The following IDI2 variants were observed in gnomAD, a reference collection of about 807,000 sequenced individuals.
The protein encoded by IDI2 is isopentenyl-diphosphate delta isomerase 2.
Under a neutral mutation model 14.8 loss-of-function variants are expected in IDI2, and 18 were observed. The ratio of observed to expected loss-of-function variants is 1.22; its 90% CI spans 0.84 to 1.80. IDI2 has a LOEUF of 1.80. Among genes scored for constraint, IDI2 ranks in the 40% most tolerant of loss-of-function variants. The pLI is 0.00. For synonymous variants in IDI2, 133 were observed against 109.6 expected (o/e 1.21, Z -1.33); for missense variants, 316 against 283.2 (o/e 1.12, Z -0.83).
chr10:1,022,809 G>A (rs1832134907), intron 2 of IDI2, 34 bp from the exon 3 acceptor site: 1 of 1,462,180 alleles, frequency 6.8e-7, no homozygotes, highest in Non-Finnish European at 9.6e-7. Context: ...GTGAGTGCAT[G>A]CCTGGAGTCT....
rs182997683 is a variant in IDI2, at chr10:1,024,805, A to C, written c.-21-61T>G. 4.8e-5 allele frequency: 74 copies of C among 1,539,800 alleles called. No homozygotes were observed. In the South Asian group the frequency reaches 7.8e-4, roughly 16 times the overall value. On this transcript the variant is annotated intron_variant, in intron 1 of 4. Transcript: ENST00000277517. Reference sequence around the variant, plus strand: ...AAGATATTGCCATCTCGTTTTTGCTATGTGTTACCAACCACATTAGGATTT... The same window carrying C: ...AAGATATTGCCATCTCGTTTTTGCTCTGTGTTACCAACCACATTAGGATTT...
intron 3 of IDI2, 117 bp downstream of exon 3, chr10:1,022,566 G>A (rs979803766): frequency 2.6e-6 from 2 of 757,850 alleles, no homozygotes; most frequent in East Asian, 2.5e-5. Context: ...TCTGCAGGAT[G>A]AGCTGCCAGC....
At chr10:1,020,436 G>A (rs1174749683) in intron 4 of IDI2, among the ~76,000 whole-genome samples, 1 of 152,098 alleles carries the variant, frequency 6.6e-6, no homozygotes, top group South Asian at 2.1e-4. Flanking sequence ...TGATCCGCCC[G>A]CCTCGGCCTC....
intron 1 of IDI2, 95 bp from the exon 2 acceptor site, chr10:1,024,839 C>A: frequency 8.7e-7 from 1 of 1,154,690 alleles, no homozygotes; most frequent in South Asian, 1.4e-5. Flanking sequence ...TTAGCATACA[C>A]CTTCTCTACA....
chr10:1,019,894 A>C, intron 4 of IDI2, 60 bp from the exon 5 acceptor site: 1 of 1,173,162 alleles, frequency 8.5e-7, no homozygotes, highest in Non-Finnish European at 1.2e-6. Context: ...AATTTACAGA[A>C]AAATAGAGAA....
intron 3 of IDI2, among the ~76,000 whole-genome samples, chr10:1,022,274 A>T (rs948400197): frequency 1.3e-4 from 19 of 150,072 alleles, no homozygotes; most frequent in African/African-American, 4.0e-4. Context: ...AAAAAAAAAA[A>T]TTTTAAGTTG....
chr10:1,023,052 G>A (rs1041250543), intron 2 of IDI2, among the ~76,000 whole-genome samples: 1 of 152,174 alleles, frequency 6.6e-6, no homozygotes, highest in Admixed American at 6.5e-5. Context: ...GAGAGATATC[G>A]CAGCATTCCT....
intron 4 of IDI2, among the ~76,000 whole-genome samples, chr10:1,020,530 G>T (rs1165077675): frequency 6.6e-6 from 1 of 152,136 alleles, no homozygotes; most frequent in African/African-American, 2.4e-5. Context: ...TTCCTGCACA[G>T]TCTCAACCCT....
rs746248832 is a variant in IDI2 at position 1,020,813 on chromosome 10, GC to G, written c.319del (p.Ala107GlnfsTer25). ...CTCTGCTTGCAGACGCCTCTGGGCTGCCCTCCTCACTCCGATGGCATCCTTT... is the reference window on the plus strand; with the variant it reads ...CTCTGCTTGCAGACGCCTCTGGGCTGCCTCCTCACTCCGATGGCATCCTTT... Reference protein sequence around the residue: ...EEKDAIGVRRAAQRRLQAELG... With the variant: ...EEKDAIGVRRXAQRRLQAELG... On this transcript the variant is annotated frameshift_variant, in exon 4 of 5. Coordinates refer to ENST00000277517, the MANE Select transcript of IDI2 (RefSeq NM_033261.3). LOFTEE classifies it low-confidence loss of function (END_TRUNC). 1.2e-6 allele frequency: 2 copies of G among 1,613,862 alleles called. No homozygotes were observed. Among genetic ancestry groups the G allele is most frequent in the Admixed American group, 1.7e-5 (1 of 59,988 alleles).
At chr10:1,024,867 TGAAG>T in intron 1 of IDI2, 123 bp from the exon 2 acceptor site, 1 of 866,384 alleles carries the variant, frequency 1.2e-6, no homozygotes, top group Non-Finnish European at 1.8e-6. Context: ...GCAATTGTGT[TGAAG>T]CAGCACAGTT....
intron 2 of IDI2, among the ~76,000 whole-genome samples, chr10:1,023,012 A>G (rs1832139583): frequency 6.6e-6 from 1 of 152,196 alleles, no homozygotes; most frequent in Admixed American, 6.5e-5. Flanking sequence ...ACCAGGGCAA[A>G]TATCCAAAAT....
chr10:1,023,432 C>T (rs963735938), intron 2 of IDI2, among the ~76,000 whole-genome samples: 4 of 149,858 alleles, frequency 2.7e-5, no homozygotes, highest in Non-Finnish European at 5.9e-5. Flanking sequence ...CCTGAGATTG[C>T]ACCACTGCAC....
rs140484326 is a variant in IDI2, at chr10:1,019,592, C to G, written c.609G>C (p.Arg203Ser). Residue 203 changes from arginine to serine, a missense_variant, in exon 5 of 5, where the codon AGG (arginine) becomes AGC (serine). Physicochemically the swap from Arg to Ser is moderately radical, Grantham distance 110. Transcript: ENST00000277517. ...GGTGAGGCCACCACCGGTACAGAAA[C>G]CTCTCGGCAATGGTTCTTAGCCAGG... The part of the protein sequence containing the change: ...VTPWLRTIAE[R>S]FLYRWWPHLD... 2.8e-5 allele frequency: 46 copies of G among 1,614,082 alleles called. 1 individual carries two copies. In the South Asian group the frequency reaches 4.9e-4, roughly 17 times the overall value.
rs1454280459 is a variant in IDI2 at position 1,019,559 on chromosome 10, G to A, written c.642C>T (p.Asp214=). 6.8e-6 allele frequency: 11 copies of A among 1,613,580 alleles called. No individual in the cohort carries two copies. The highest frequency in any genetic ancestry group is 6.7e-5 in the Admixed American group (4 of 59,962). ...TGTGAAGCTCCACAAACGGGGTCAC[G>A]TCATCCAGGTGAGGCCACCACCGGT... ...FLYRWWPHLD[D]VTPFVELHKI... The change falls in exon 5 of 5, where the codon GAC becomes GAT. Residue 214 remains aspartate, a synonymous_variant. Transcript: ENST00000277517.
At chr10:1,020,683 G>A in intron 4 of IDI2, 84 bp downstream of exon 4, 1 of 1,396,458 alleles carries the variant, frequency 7.2e-7, no homozygotes, top group Non-Finnish European at 9.7e-7. Flanking sequence ...CAATGGTGTA[G>A]ATCCAGCCTG....
chr10:1,025,541 C>CA (rs34925490), intron 1 of IDI2, among the ~76,000 whole-genome samples: 3,693 of 103,660 alleles, frequency 0.036, 57 homozygotes, highest in Middle Eastern at 0.068. Context: ...GACTCTGTCT[C>CA]AAAAAAAAAA....
intron 3 of IDI2, 86 bp from the exon 4 acceptor site, chr10:1,020,983 C>A: frequency 4.3e-6 from 6 of 1,403,402 alleles, no homozygotes; most frequent in Non-Finnish European, 5.8e-6. Flanking sequence ...CATGTAAAAC[C>A]ATCATCCGTC....
chr10:1,024,049 G>A (rs35708769), intron 2 of IDI2, among the ~76,000 whole-genome samples: 278 of 152,330 alleles, frequency 1.8e-3, no homozygotes, highest in South Asian at 3.3e-3. Flanking sequence ...GTTAAAGCAG[G>A]AAAGTCTGAC....
chr10:1,020,711 G>GTT, intron 4 of IDI2, 56 bp downstream of exon 4: 1 of 1,412,644 alleles, frequency 7.1e-7, no homozygotes, highest in Non-Finnish European at 9.3e-7. Context: ...TTCACCGTCT[G>GTT]CCCGCTGCCA....
Sources: allele counts gnomAD v4.1 joint callset (sites outside exome capture counted in the v4.1 genomes callset), GRCh38; gene constraint gnomAD v4.1.1; transcripts MANE v1.5; gene names NCBI Gene and HGNC (gene_info 2026-07-23, HGNC 2026-07-21).